Variants in KIAA1328 observed in about 807,000 individuals in gnomAD.
KIAA1328 encodes protein hinderin.
In KIAA1328, 52 loss-of-function variants were observed where a neutral mutation model predicts 68.1. The ratio of observed to expected loss-of-function variants is 0.76; its 90% confidence interval spans 0.61 to 0.96. The LOEUF (loss-of-function observed/expected upper bound fraction) is 0.96. KIAA1328 is among the 40% of genes least tolerant of loss of function. The pLI, the probability that KIAA1328 is intolerant of heterozygous loss-of-function variation, is 0.00. For missense variants in KIAA1328, 641 were observed against 677.6 expected (o/e 0.95, Z 0.60); for synonymous variants, 232 against 239.4 (o/e 0.97, Z 0.28).
chr18:37,005,551 C>T (rs2053751173), intron 6 of KIAA1328, among the ~76,000 whole-genome samples: 1 of 151,998 alleles, frequency 6.6e-6, no homozygotes, highest in Admixed American at 6.6e-5. Context: ...GGTGATTCCT[C>T]ATAAAACTAA....
At chr18:36,965,893 G>T (rs1212824414) in intron 6 of KIAA1328, among the ~76,000 whole-genome samples, 1 of 150,690 alleles carries the variant, frequency 6.6e-6, no homozygotes, top group Non-Finnish European at 1.5e-5. Flanking sequence ...CAATCCAGAG[G>T]CATCGTCATA....
chr18:36,948,930 A>T (rs902873554), intron 5 of KIAA1328, among the ~76,000 whole-genome samples: 1 of 152,226 alleles, frequency 6.6e-6, no homozygotes, highest in African/African-American at 2.4e-5. Flanking sequence ...TGCTTCACAA[A>T]GCATTATTCA....
intron 6 of KIAA1328, among the ~76,000 whole-genome samples, chr18:36,988,133 A>G (rs949584604): frequency 2.0e-5 from 3 of 152,224 alleles, no homozygotes; most frequent in African/African-American, 2.4e-5. Flanking sequence ...TGAAACCCGC[A>G]GAAACTGGAA....
At chr18:37,119,678 G>C (rs1485609194) in intron 7 of KIAA1328, among the ~76,000 whole-genome samples, 1 of 152,174 alleles carries the variant, frequency 6.6e-6, no homozygotes, top group Non-Finnish European at 1.5e-5. Flanking sequence ...ATATATGAAT[G>C]AGGATGGGGA....
chr18:37,227,815 T>C (rs555615656), downstream of KIAA1328, among the ~76,000 whole-genome samples: 6 of 152,328 alleles, frequency 3.9e-5, no homozygotes, highest in African/African-American at 1.4e-4. Context: ...CCACATCTTA[T>C]TGTTTGAGAA....
intron 7 of KIAA1328, among the ~76,000 whole-genome samples, chr18:37,107,109 G>T (rs2057797520): frequency 6.6e-6 from 1 of 152,150 alleles, no homozygotes; most frequent in South Asian, 2.1e-4. Context: ...AGGCATGGTG[G>T]TGCACACCTG....
chr18:37,213,316 A>G (rs2060354652), intron 9 of KIAA1328, among the ~76,000 whole-genome samples: 1 of 152,038 alleles, frequency 6.6e-6, no homozygotes, highest in African/African-American at 2.4e-5. Context: ...ACCCCACAAC[A>G]GGCCCGAGTG....
At chr18:37,185,584 G>T (rs1024848684) in intron 9 of KIAA1328, among the ~76,000 whole-genome samples, 7 of 152,088 alleles carry the variant, frequency 4.6e-5, no homozygotes, top group African/African-American at 1.7e-4. Flanking sequence ...CTATCAGCAA[G>T]ACTACTTATA....
Position 37,223,559 on chromosome 18 carries a change from GTGGCT to G in KIAA1328, c.*1334_*1338del. 1 of 985,450 alleles carries G rather than the reference GTGGCT, an allele frequency of 1.0e-6. No individual in the cohort carries two copies. The highest frequency in any genetic ancestry group is 4.7e-5 in the South Asian group (1 of 21,286). 61.0% of individuals were successfully genotyped at this position (985,450 alleles called of 1,614,324 possible). On this transcript the variant is annotated 3_prime_UTR_variant, in exon 10 of 10. Coordinates refer to ENST00000280020, the MANE Select transcript of KIAA1328 (RefSeq NM_020776.3). Reference sequence around the variant, plus strand: ...GGGAATTTTATTTGATCTGGAGGGTGTGGCTTTTTTTCTCTCCTTTTTACCAACCC... The same window carrying G: ...GGGAATTTTATTTGATCTGGAGGGTGTTTTTTCTCTCCTTTTTACCAACCC...
intron 5 of KIAA1328, among the ~76,000 whole-genome samples, chr18:36,913,841 A>C (rs2049573808): frequency 1.3e-5 from 2 of 152,194 alleles, no homozygotes; most frequent in Admixed American, 6.5e-5. Context: ...CAGAAGTGGA[A>C]TCTGAAGAAG....
At chr18:36,995,211 G>A (rs1238458576) in intron 6 of KIAA1328, among the ~76,000 whole-genome samples, 1 of 152,048 alleles carries the variant, frequency 6.6e-6, no homozygotes, top group Non-Finnish European at 1.5e-5. Flanking sequence ...GGCAGTGTTT[G>A]GTTTTCTGAT....
At chr18:37,023,537 G>A (rs1236928003) in intron 6 of KIAA1328, among the ~76,000 whole-genome samples, 1 of 152,106 alleles carries the variant, frequency 6.6e-6, no homozygotes, top group Non-Finnish European at 1.5e-5. Context: ...TGCATAAGAT[G>A]GCAGTAAACT....
chr18:36,992,464 T>A (rs199742913), intron 6 of KIAA1328, among the ~76,000 whole-genome samples: 1 of 19,862 alleles, frequency 5.0e-5, no homozygotes, highest in Admixed American at 1.1e-3. Flanking sequence ...TTTTTTTTTT[T>A]TTTTTTTTTT....
intron 4 of KIAA1328, among the ~76,000 whole-genome samples, chr18:36,883,549 G>A (rs1253397999): frequency 6.6e-6 from 1 of 152,194 alleles, no homozygotes; most frequent in Non-Finnish European, 1.5e-5. Context: ...ATTACTCACT[G>A]TTTGCTTATT....
intron 5 of KIAA1328, among the ~76,000 whole-genome samples, chr18:36,912,152 A>G (rs2049478160): frequency 6.6e-6 from 1 of 152,134 alleles, no homozygotes; most frequent in Non-Finnish European, 1.5e-5. Flanking sequence ...TTCACTTCCT[A>G]TTACAGTATC....
At chr18:37,070,727 T>G (rs1319945872) in intron 7 of KIAA1328, among the ~76,000 whole-genome samples, 1 of 151,946 alleles carries the variant, frequency 6.6e-6, no homozygotes, top group Non-Finnish European at 1.5e-5. Context: ...CCCACCACCA[T>G]GCCCGGCTAG....
At chr18:36,914,909 A>G (rs1378126098) in intron 5 of KIAA1328, among the ~76,000 whole-genome samples, 1 of 152,196 alleles carries the variant, frequency 6.6e-6, no homozygotes, top group Non-Finnish European at 1.5e-5. Context: ...TACTTATGAA[A>G]GAAATGAACA....
intron 7 of KIAA1328, among the ~76,000 whole-genome samples, chr18:37,136,384 C>T (rs1278673743): frequency 1.3e-5 from 2 of 152,102 alleles, no homozygotes; most frequent in Non-Finnish European, 2.9e-5. Context: ...TAAATATATC[C>T]TCATAGTGTC....
chr18:36,918,413 C>CTTTTTTTTTTTTT (rs11321724), intron 5 of KIAA1328, among the ~76,000 whole-genome samples: 1 of 103,350 alleles, frequency 9.7e-6, no homozygotes, highest in Non-Finnish European at 2.1e-5. Flanking sequence ...GTTTTTAAGC[C>CTTTTTTTTTTTTT]TTTTTTTTTT....
Sources: allele counts gnomAD v4.1 joint callset (sites outside exome capture counted in the v4.1 genomes callset), GRCh38; gene constraint gnomAD v4.1.1; transcripts MANE v1.5; gene names NCBI Gene and HGNC (gene_info 2026-07-23, HGNC 2026-07-21).